The following SCML4 variants were observed in gnomAD, a reference collection of about 807,000 sequenced individuals.
The protein encoded by SCML4 is sex comb on midleg-like protein 4.
A neutral mutation model predicts 41.1 loss-of-function variants in SCML4; 34 were observed. That is an observed-to-expected ratio of 0.83 (90% CI 0.63 to 1.10). SCML4 has a LOEUF of 1.10. Among genes scored for constraint, SCML4 ranks in the 50% least tolerant of loss-of-function variants. The probability of loss-of-function intolerance (pLI) is 0.00; values close to 1 mark genes in which losing one functional copy is unlikely to be tolerated. For missense variants in SCML4, 522 were observed against 534.1 expected, an observed-to-expected ratio of 0.98 and a Z score of 0.22; for synonymous variants, 214 against 220.9, an observed-to-expected ratio of 0.97 and a Z score of 0.28.
Position 107,817,620 on chromosome 6 carries a change from C to CAAAA in SCML4, c.-60+6502_-60+6505dup, listed in dbSNP as rs35621962. The stretch of plus-strand genomic sequence containing the variant: ...TGGGCAACAGAGGAAGACTTCATCT[C>CAAAA]AAAAAAAAAAAAAAAGAAAAAAAAA... On this transcript the variant is annotated intron_variant, in intron 1 of 7. Coordinates refer to ENST00000369020, the MANE Select transcript of SCML4 (RefSeq NM_198081.5). Among the ~76,000 whole-genome samples, 159 of 45,886 alleles carry CAAAA rather than the reference C, an allele frequency of 3.5e-3. 10 individuals carry two copies. Among genetic ancestry groups the CAAAA allele is most frequent in the African/African-American group, 6.5e-3 (47 of 7,200 alleles). 30.1% of individuals were successfully genotyped at this position (45,886 alleles called of 152,430 possible).
intron 5 of SCML4, chr6:107,743,914 T>C (rs1384572837): frequency 6.6e-6 from 1 of 152,224 alleles, no homozygotes; most frequent in Admixed American, 6.5e-5. Flanking sequence ...TTTTGTTGAA[T>C]GCGCTAAACC....
chr6:107,798,910 T>C (rs563716625), intron 1 of SCML4, among the ~76,000 whole-genome samples: 1 of 152,246 alleles, frequency 6.6e-6, no homozygotes, highest in African/African-American at 2.4e-5. Flanking sequence ...TTTCCTGACG[T>C]TTCTGCTATT....
Position 107,720,926 on chromosome 6 carries a change from G to T in SCML4, c.750C>A (p.Thr250=), listed in dbSNP as rs776969248. Residue 250 remains threonine (T), a synonymous_variant, in exon 6 of 8, where the codon ACC becomes ACA. Transcript: ENST00000369020. Reference sequence around the variant, plus strand: ...CCCTGTGGTTAAAGGTGGAGGCGGAGGTGTCCACGCTGTAGCGGTTCATGC... The same window carrying T: ...CCCTGTGGTTAAAGGTGGAGGCGGATGTGTCCACGCTGTAGCGGTTCATGC... The part of the protein sequence containing the change: ...PVGMNRYSVD[T]SASTFNHRGS... 9 of 1,614,188 alleles carry T rather than the reference G, an allele frequency of 5.6e-6. No homozygotes were observed. Among genetic ancestry groups the T allele is most frequent in the South Asian group, 4.4e-5 (4 of 91,080 alleles).
At chr6:107,756,244 A>C (rs1227637308) in intron 2 of SCML4, among the ~76,000 whole-genome samples, 1 of 152,154 alleles carries the variant, frequency 6.6e-6, no homozygotes. Flanking sequence ...GAAACCTGAT[A>C]AATAAGACTT....
Position 107,787,294 on chromosome 6 carries a change from G to A in SCML4, c.-59-14908C>T, listed in dbSNP as rs111632877. On this transcript the variant is annotated intron_variant, in intron 1 of 7. Transcript: ENST00000369020. ...TATTTATTGCCTACAGAGCTGATCC[G>A]AATTTTTTTTTGAAGATTGCTAAAG... 2.9e-3 allele frequency among the ~76,000 whole-genome samples: 438 copies of A among 152,266 alleles called. 1 individual carries two copies. The highest frequency in any genetic ancestry group is 9.9e-3 in the African/African-American group (412 of 41,548).
At chr6:107,751,550 G>C (rs1040806099) in intron 2 of SCML4, among the ~76,000 whole-genome samples, 2 of 150,700 alleles carry the variant, frequency 1.3e-5, no homozygotes, top group Non-Finnish European at 3.0e-5. Flanking sequence ...GAAACAATAG[G>C]ATTTAAACTA....
chr6:107,762,322 A>C (rs1216159945), intron 2 of SCML4, among the ~76,000 whole-genome samples: 1 of 152,196 alleles, frequency 6.6e-6, no homozygotes, highest in Non-Finnish European at 1.5e-5. Context: ...AAGACAGGTA[A>C]AAGGAATATA....
intron 5 of SCML4, among the ~76,000 whole-genome samples, chr6:107,724,341 G>T (rs1309958904): frequency 6.6e-6 from 1 of 152,128 alleles, no homozygotes; most frequent in East Asian, 1.9e-4. Context: ...AAGCCATCTG[G>T]ATTAGGAAGG....
chr6:107,813,371 T>TAAAAAAAA (rs1562284376), intron 1 of SCML4, among the ~76,000 whole-genome samples: 1 of 1,948 alleles, frequency 5.1e-4, no homozygotes, highest in African/African-American at 1.4e-3. Context: ...TCAAAAAAAT[T>TAAAAAAAA]ATATATATAT....
intron 1 of SCML4, among the ~76,000 whole-genome samples, chr6:107,806,460 G>A (rs1019208621): frequency 2.0e-5 from 3 of 152,058 alleles, no homozygotes; most frequent in African/African-American, 2.4e-5. Flanking sequence ...TATAAGTAAC[G>A]CCACCAACCG....
chr6:107,823,577 C>A (rs1187839280), intron 1 of SCML4, among the ~76,000 whole-genome samples: 1 of 151,930 alleles, frequency 6.6e-6, no homozygotes, highest in Admixed American at 6.6e-5. Context: ...TTAGGAAAAA[C>A]CAGCACAAAG....
intron 1 of SCML4, among the ~76,000 whole-genome samples, chr6:107,777,278 T>C (rs1221864705): frequency 6.6e-6 from 1 of 152,144 alleles, no homozygotes; most frequent in African/African-American, 2.4e-5. Flanking sequence ...CCATCACGCC[T>C]GGCTAATTTT....
chr6:107,817,831 G>C (rs916998993), intron 1 of SCML4, among the ~76,000 whole-genome samples: 3 of 151,878 alleles, frequency 2.0e-5, no homozygotes, highest in African/African-American at 7.3e-5. Flanking sequence ...CTCCCAAATC[G>C]AGTACTAACT....
At chr6:107,780,961 G>T (rs1433940629) in intron 1 of SCML4, among the ~76,000 whole-genome samples, 4 of 149,638 alleles carry the variant, frequency 2.7e-5, no homozygotes, top group Non-Finnish European at 4.5e-5. Context: ...ATAAGCAATG[G>T]TTTTTTTTTT....
intron 5 of SCML4, among the ~76,000 whole-genome samples, chr6:107,740,690 C>CTCT (rs1777517064): frequency 6.6e-6 from 1 of 152,174 alleles, no homozygotes; most frequent in Non-Finnish European, 1.5e-5. Context: ...AGGCCTTGGA[C>CTCT]TGTGGAAAGA....
chr6:107,813,463 C>T (rs1488390201), intron 1 of SCML4, among the ~76,000 whole-genome samples: 2 of 139,166 alleles, frequency 1.4e-5, no homozygotes, highest in Non-Finnish European at 3.1e-5. Context: ...TAACAGTGTC[C>T]GCTGAAAACA....
At chr6:107,721,063 T>C in intron 5 of SCML4, 70 bp from the exon 6 acceptor site, 1 of 1,508,186 alleles carries the variant, frequency 6.6e-7, no homozygotes, top group Non-Finnish European at 8.9e-7. Flanking sequence ...ACCCTCCGTC[T>C]TGGCAAACCC....
intron 5 of SCML4, among the ~76,000 whole-genome samples, chr6:107,733,728 G>T (rs964448885): frequency 2.0e-5 from 3 of 152,208 alleles, no homozygotes; most frequent in African/African-American, 7.2e-5. Flanking sequence ...CTGTCCCTTT[G>T]TTTCCACCAG....
intron 1 of SCML4, among the ~76,000 whole-genome samples, chr6:107,778,217 AAAAAAATATATATATATATATATATATAT>A (rs2114586564): frequency 1.6e-4 from 1 of 6,082 alleles, no homozygotes; most frequent in African/African-American, 2.9e-4. Context: ...AAAAAAAAAA[AAAAAAATATATATATATATATATATATAT>A]ATATATATAT....
Sources: allele counts gnomAD v4.1 joint callset (sites outside exome capture counted in the v4.1 genomes callset), GRCh38; gene constraint gnomAD v4.1.1; transcripts MANE v1.5; gene names NCBI Gene and HGNC (gene_info 2026-07-23, HGNC 2026-07-21).